The following KALRN variants were observed in gnomAD, a reference collection of about 807,000 sequenced individuals.
The protein encoded by KALRN is kalirin.
In KALRN, 70 loss-of-function variants were observed where a neutral mutation model predicts 353.7. That is an observed-to-expected ratio of 0.20 (90% confidence interval 0.16 to 0.24). KALRN has a LOEUF of 0.24. Ranked by LOEUF, KALRN falls within the 10% of genes least tolerant of loss-of-function variation. The probability of loss-of-function intolerance (pLI) is 1.00; values close to 1 mark genes in which losing one functional copy is unlikely to be tolerated. For missense variants in KALRN, 2,791 were observed against 3,756.7 expected (o/e 0.74, Z 6.72); for synonymous variants, 1,391 against 1,434.8 (o/e 0.97, Z 0.69).
chr3:124,342,330 T>C (rs2081836798), intron 9 of KALRN, among the ~76,000 whole-genome samples: 1 of 152,170 alleles, frequency 6.6e-6, no homozygotes, highest in Non-Finnish European at 1.5e-5. Context: ...CCCTTTCCGG[T>C]GTCCATTGTC....
intron 34 of KALRN, among the ~76,000 whole-genome samples, chr3:124,580,441 T>C (rs1318813334): frequency 6.6e-6 from 1 of 152,160 alleles, no homozygotes; most frequent in Non-Finnish European, 1.5e-5. Flanking sequence ...AAAATGCTAA[T>C]GCCTAATATT....
intron 1 of KALRN, among the ~76,000 whole-genome samples, chr3:124,212,792 C>T (rs993779859): frequency 7.2e-5 from 11 of 152,084 alleles, no homozygotes; most frequent in African/African-American, 2.4e-4. Flanking sequence ...ATTGCCTTCT[C>T]AAAATCTTTG....
At position 124,073,058 on chromosome 3, in the gene KALRN, T is replaced by G. The variant is rs564689858; in HGVS notation, c.73+39245T>G. On this transcript the variant is annotated intron_variant, in intron 1 of 59. Coordinates refer to ENST00000682506, the MANE Select transcript of KALRN (RefSeq NM_001388419.1). ...TCCGATGACGGCTTGGCATCCCCAGTGCATCAGCCTACACTGATTATAGTG... is the reference window on the plus strand; with the variant it reads ...TCCGATGACGGCTTGGCATCCCCAGGGCATCAGCCTACACTGATTATAGTG... 2.6e-5 allele frequency among the ~76,000 whole-genome samples: 4 copies of G among 152,314 alleles called. No homozygotes were observed. The East Asian group carries it at 7.7e-4, about 29-fold the overall frequency.
intron 34 of KALRN, among the ~76,000 whole-genome samples, chr3:124,601,736 A>C (rs1483377490): frequency 6.6e-6 from 1 of 152,206 alleles, no homozygotes. Flanking sequence ...TACGGCTCAG[A>C]AATTTCTATT....
Position 124,239,300 on chromosome 3 carries a change from C to G in KALRN, c.263+4357C>G, listed in dbSNP as rs150980346. ...GTGATTATTGGGAGTTGACGAAATG[C>G]TTGAAATAGGAATTTCTAAGCACTA... On this transcript the variant is annotated intron_variant, in intron 3 of 59. Coordinates refer to ENST00000682506, the MANE Select transcript of KALRN (RefSeq NM_001388419.1). 1.5e-3 allele frequency among the ~76,000 whole-genome samples: 230 copies of G among 152,284 alleles called. 1 individual carries two copies. Among genetic ancestry groups the G allele is most frequent in the Non-Finnish European group, 2.0e-3 (133 of 68,008 alleles).
intron 18 of KALRN, 132 bp downstream of exon 18, chr3:124,439,169 T>G: frequency 1.4e-6 from 1 of 720,844 alleles, no homozygotes; most frequent in East Asian, 3.2e-5. Flanking sequence ...CTCTTTCTCC[T>G]CCTCCTCCTT....
chr3:124,439,179 T>A, intron 18 of KALRN, 142 bp downstream of exon 18: 1 of 643,814 alleles, frequency 1.6e-6, no homozygotes, highest in Non-Finnish European at 2.5e-6. Context: ...TCCTCCTCCT[T>A]CTTCTCCTTC....
At chr3:124,318,445 G>T (rs2079017797) in intron 6 of KALRN, among the ~76,000 whole-genome samples, 1 of 152,166 alleles carries the variant, frequency 6.6e-6, no homozygotes, top group Non-Finnish European at 1.5e-5. Flanking sequence ...TACTATCCCA[G>T]TGTCCATATG....
chr3:124,563,021 G>T lies in KALRN; in HGVS notation c.5114G>T (p.Ser1705Ile). 1 of 1,367,902 alleles carries T rather than the reference G, an allele frequency of 7.3e-7. No individual in the cohort carries two copies. Among genetic ancestry groups the T allele is most frequent in the Non-Finnish European group, 9.8e-7 (1 of 1,022,008 alleles). 84.7% of individuals were successfully genotyped at this position (1,367,902 alleles called of 1,614,324 possible). A position where few individuals can be genotyped will look rare whatever the true frequency, so the allele number is the denominator to read the frequency against. ...RSPPLEGLVP[S>I]SALCISHSRS... ...CCGCCCTTGGAGGGTCTGGTCCCCA[G>T]CAGCGCCCTGTGCATCTCACACTCC... is the stretch of plus-strand genomic sequence containing the variant. The change falls in exon 34 of 60, where the codon AGC becomes ATC. Residue 1705 changes from serine (S) to isoleucine (I), a missense_variant. Coordinates refer to ENST00000682506, the MANE Select transcript of KALRN (RefSeq NM_001388419.1).
chr3:124,490,946 G>A (rs759643924), intron 30 of KALRN, 62 bp downstream of exon 30: 221 of 1,469,240 alleles, frequency 1.5e-4, no homozygotes, highest in Non-Finnish European at 1.5e-4. Flanking sequence ...TGGGCAGGAA[G>A]GGATCTGGAC....
Position 124,488,247 on chromosome 3 carries a change from A to G in KALRN, c.4328A>G (p.Asp1443Gly). The G allele has an allele frequency of 6.2e-7, 1 of 1,613,868 alleles. No individual in the cohort carries two copies. The highest frequency in any genetic ancestry group is 8.5e-7 in the Non-Finnish European group (1 of 1,179,866). The change falls in exon 29 of 60, where the codon GAT becomes GGT. Residue 1443 changes from aspartate (D) to glycine (G), a missense_variant. By Grantham distance (94) the Asp-to-Gly change is moderately conservative. Transcript: ENST00000682506. ...GAAGAAGGGAAAGGGGAGCTCAAGG[A>G]TGGCCTGGAGGTGATGCTCAGTGTC... ...CCEEGKGELK[D>G]GLEVMLSVPK...
At chr3:124,169,307 T>C (rs2071367170) in intron 1 of KALRN, among the ~76,000 whole-genome samples, 1 of 152,144 alleles carries the variant, frequency 6.6e-6, no homozygotes, top group Non-Finnish European at 1.5e-5. Flanking sequence ...ACTAAGCTTG[T>C]TGGCTCTCTG....
Position 124,430,711 on chromosome 3 carries a change from C to G in KALRN, c.2765C>G (p.Ala922Gly). 6.2e-7 allele frequency: 1 copy of G among 1,614,144 alleles called. No homozygotes were observed. The highest frequency in any genetic ancestry group is 8.5e-7 in the Non-Finnish European group (1 of 1,179,986). Residue 922 changes from alanine (A) to glycine (G), a missense_variant, in exon 16 of 60, where the codon GCC (alanine) becomes GGC (glycine). Coordinates refer to ENST00000682506, the MANE Select transcript of KALRN (RefSeq NM_001388419.1). ...ESMLNASLVN[A>G]SSLSEAEQLQ... ...ATGCTCAACGCCAGCCTGGTCAATG[C>G]CAGCTCTTTGTCGGAAGCAGAGCAG... is the stretch of plus-strand genomic sequence containing the variant.
chr3:124,673,225 A>C (rs2086684486), intron 48 of KALRN, among the ~76,000 whole-genome samples: 1 of 77,308 alleles, frequency 1.3e-5, no homozygotes. Context: ...TCTCTAATAA[A>C]ACTTTAAAAA....
At chr3:124,231,053 A>G (rs1197777997) in intron 2 of KALRN, among the ~76,000 whole-genome samples, 1 of 152,248 alleles carries the variant, frequency 6.6e-6, no homozygotes, top group South Asian at 2.1e-4. Context: ...CTGTTTGTTA[A>G]TTGAGCCTGC....
intron 20 of KALRN, 65 bp from the exon 21 acceptor site, chr3:124,446,698 G>T: frequency 1.3e-6 from 2 of 1,598,362 alleles, no homozygotes; most frequent in Non-Finnish European, 1.7e-6. Flanking sequence ...CTTCATTGTA[G>T]TATGGCATGT....
chr3:124,353,326 G>A (rs780662115), intron 10 of KALRN, among the ~76,000 whole-genome samples: 2 of 152,050 alleles, frequency 1.3e-5, no homozygotes, highest in Non-Finnish European at 2.9e-5. Context: ...CACAGAGATG[G>A]AAAGTCTGTG....
chr3:124,504,459 A>G (rs1398197268), intron 33 of KALRN, among the ~76,000 whole-genome samples: 1 of 152,120 alleles, frequency 6.6e-6, no homozygotes, highest in African/African-American at 2.4e-5. Context: ...AGAAAACCCT[A>G]CTATTACCCT....
At chr3:124,338,942 G>C (rs2081403379) in intron 9 of KALRN, among the ~76,000 whole-genome samples, 1 of 152,136 alleles carries the variant, frequency 6.6e-6, no homozygotes, top group African/African-American at 2.4e-5. Flanking sequence ...TGTGATACTT[G>C]GACCCCTGCA....
Sources: allele counts gnomAD v4.1 joint callset (sites outside exome capture counted in the v4.1 genomes callset), GRCh38; gene constraint gnomAD v4.1.1; transcripts MANE v1.5; gene names NCBI Gene and HGNC (gene_info 2026-07-23, HGNC 2026-07-21).